The following NEK10 variants were observed in gnomAD, a reference collection of about 807,000 sequenced individuals.
NEK10 encodes NIMA related kinase 10.
NEK10 carries 122 observed loss-of-function variants against 159.8 expected under a neutral mutation model. That is an observed-to-expected ratio of 0.76 (90% confidence interval 0.66 to 0.89). The LOEUF is 0.89. Among genes scored for constraint, NEK10 ranks in the 40% least tolerant of loss-of-function variants. The probability of loss-of-function intolerance (pLI) is 0.00; values close to 1 mark genes in which losing one functional copy is unlikely to be tolerated. For synonymous variants in NEK10, 466 were observed against 457.1 expected (o/e 1.02, Z -0.25); for missense variants, 1,342 against 1,323.1 (o/e 1.01, Z -0.22).
At chr3:27,296,855 C>T (rs1028710167) in intron 14 of NEK10, among the ~76,000 whole-genome samples, 9 of 152,080 alleles carry the variant, frequency 5.9e-5, no homozygotes, top group African/African-American at 2.2e-4. Flanking sequence ...TGATTGCTGT[C>T]CTTACCTTAT....
intron 23 of NEK10, among the ~76,000 whole-genome samples, chr3:27,231,503 T>C (rs4973862): frequency 0.44 from 66,284 of 150,820 alleles, 16,978 homozygotes; most frequent in African/African-American, 0.72. Flanking sequence ...AACATCAGAG[T>C]ATAACTAAAT....
intron 5 of NEK10, among the ~76,000 whole-genome samples, chr3:27,332,589 T>C (rs955602033): frequency 2.6e-5 from 4 of 152,228 alleles, no homozygotes; most frequent in African/African-American, 7.2e-5. Flanking sequence ...CAGCCAGATT[T>C]GCAAGTTTGT....
intron 32 of NEK10, among the ~76,000 whole-genome samples, chr3:27,121,699 T>TG (rs1941334752): frequency 6.6e-6 from 1 of 152,158 alleles, no homozygotes; most frequent in Non-Finnish European, 1.5e-5. Flanking sequence ...TTCCCAGTCT[T>TG]GGGTACGTAT....
chr3:27,266,029 G>C (rs560062036), intron 22 of NEK10, among the ~76,000 whole-genome samples: 8 of 151,914 alleles, frequency 5.3e-5, no homozygotes, highest in African/African-American at 1.9e-4. Context: ...GGATGGTCTC[G>C]ATCCTGACCT....
intron 11 of NEK10, among the ~76,000 whole-genome samples, chr3:27,305,419 G>A (rs560578355): frequency 4.6e-5 from 7 of 152,156 alleles, no homozygotes; most frequent in Admixed American, 2.0e-4. Flanking sequence ...AGCCACTTGG[G>A]AGGCTGAGGC....
intron 30 of NEK10, among the ~76,000 whole-genome samples, chr3:27,155,427 G>T (rs569376022): frequency 2.0e-5 from 3 of 151,708 alleles, no homozygotes; most frequent in Non-Finnish European, 4.4e-5. Flanking sequence ...ACTTGAACCC[G>T]GGAGGCGGAG....
At chr3:27,235,159 AC>A (rs1481666144) in intron 23 of NEK10, among the ~76,000 whole-genome samples, 1 of 152,238 alleles carries the variant, frequency 6.6e-6, no homozygotes, top group African/African-American at 2.4e-5. Flanking sequence ...AACTATAAAA[AC>A]CCTAGAAGAA....
rs1007096887 is a variant in NEK10, at chr3:27,340,046, A to C, written c.362+4226T>G. ...TATTATAAATCATGCTACTATAAAG[A>C]CACATGCACATATATGTTTATTGCA... On this transcript the variant is annotated intron_variant, in intron 5 of 35. Coordinates refer to ENST00000691995, the MANE Select transcript of NEK10 (RefSeq NM_001394966.1). 2.3e-4 allele frequency among the ~76,000 whole-genome samples: 35 copies of C among 152,202 alleles called. 1 individual carries two copies.
At chr3:27,271,923 A>T (rs976128345) in intron 22 of NEK10, among the ~76,000 whole-genome samples, 5 of 152,160 alleles carry the variant, frequency 3.3e-5, no homozygotes, top group African/African-American at 1.2e-4. Context: ...GTTAAATTCT[A>T]TAGCATGTTT....
chr3:27,195,803 T>C (rs1240086777), intron 25 of NEK10, among the ~76,000 whole-genome samples: 3 of 152,184 alleles, frequency 2.0e-5, no homozygotes, highest in Non-Finnish European at 2.9e-5. Flanking sequence ...TTGCCCCCTT[T>C]ACCATTTTTC....
chr3:27,172,473 C>T (rs1947100737), intron 28 of NEK10, among the ~76,000 whole-genome samples: 3 of 151,294 alleles, frequency 2.0e-5, no homozygotes, highest in Admixed American at 6.6e-5. Context: ...GTTAGTATAT[C>T]AAAAAGATAT....
At chr3:27,165,113 T>C (rs1281737702) in intron 29 of NEK10, among the ~76,000 whole-genome samples, 1 of 152,192 alleles carries the variant, frequency 6.6e-6, no homozygotes, top group African/African-American at 2.4e-5. Context: ...ATGCCCACGA[T>C]GTGTAGCCAC....
intron 31 of NEK10, among the ~76,000 whole-genome samples, chr3:27,138,003 T>G (rs1261050064): frequency 6.6e-6 from 1 of 152,238 alleles, no homozygotes; most frequent in Non-Finnish European, 1.5e-5. Flanking sequence ...TCCCTTGCCA[T>G]CTAGCAGGAT....
At chr3:27,202,988 T>A (rs1047899339) in intron 23 of NEK10, among the ~76,000 whole-genome samples, 3 of 152,192 alleles carry the variant, frequency 2.0e-5, no homozygotes, top group African/African-American at 7.2e-5. Flanking sequence ...ACCAATGGAA[T>A]GTGGAAGTGA....
In NEK10 at chr3:27,339,519, G is replaced by A. The variant is rs566940032; in HGVS notation, c.362+4753C>T. 5.3e-5 allele frequency among the ~76,000 whole-genome samples: 8 copies of A among 152,244 alleles called. No homozygotes were observed. In the East Asian group the frequency reaches 9.7e-4, roughly 18 times the overall value. On this transcript the variant is annotated intron_variant, in intron 5 of 35. Coordinates refer to ENST00000691995, the MANE Select transcript of NEK10 (RefSeq NM_001394966.1). ...ATGAGGGCTGGGCACAGTGGCTCAC[G>A]CTTGTAATCCCAGCATTTTGGGAGG...
chr3:27,133,036 A>G (rs186831856), intron 31 of NEK10, among the ~76,000 whole-genome samples: 1 of 152,194 alleles, frequency 6.6e-6, no homozygotes, highest in Non-Finnish European at 1.5e-5. Flanking sequence ...TTGGTCAATA[A>G]AAATGATGTG....
At chr3:27,149,438 T>G (rs369517725) in intron 30 of NEK10, among the ~76,000 whole-genome samples, 10 of 152,234 alleles carry the variant, frequency 6.6e-5, no homozygotes, top group African/African-American at 2.2e-4. Flanking sequence ...ATTTTTCTAG[T>G]AGCATGCATT....
chr3:27,113,435 C>CAAAAAAAAAA (rs3034425), intron 35 of NEK10, among the ~76,000 whole-genome samples: 3 of 81,508 alleles, frequency 3.7e-5, no homozygotes, highest in Non-Finnish European at 2.3e-5. Context: ...GATTCCATCT[C>CAAAAAAAAAA]AAAAAAAAAA....
chr3:27,225,638 C>T (rs193035683), intron 23 of NEK10, among the ~76,000 whole-genome samples: 1 of 152,302 alleles, frequency 6.6e-6, no homozygotes, highest in East Asian at 1.9e-4. Flanking sequence ...AGGGACAAAG[C>T]TTTAGCCAAC....
Sources: gnomAD v4.1 joint callset for allele counts (sites outside exome capture counted in the v4.1 genomes callset) on GRCh38, gnomAD v4.1.1 for gene constraint, MANE v1.5 for transcripts, NCBI Gene and HGNC (gene_info 2026-07-23, HGNC 2026-07-21) for gene names.